The following NR5A1 variants were observed in gnomAD, a reference collection of about 807,000 sequenced individuals.
The protein encoded by NR5A1 is nuclear receptor subfamily 5 group A member 1, also known as steroidogenic factor 1.
In NR5A1, 6 loss-of-function variants were observed where a neutral mutation model predicts 42.7. The ratio of observed to expected loss-of-function variants is 0.14; its 90% CI spans 0.08 to 0.28. The LOEUF (loss-of-function observed/expected upper bound fraction) is 0.28. Ranked by LOEUF, NR5A1 falls within the 10% of genes least tolerant of loss-of-function variation. The probability of loss-of-function intolerance (pLI) is 1.00; values close to 1 mark genes in which losing one functional copy is unlikely to be tolerated. For synonymous variants in NR5A1, 274 were observed against 277.5 expected, an observed-to-expected ratio of 0.99 and a Z score of 0.12; for missense variants, 442 against 626.4, an observed-to-expected ratio of 0.71 and a Z score of 3.14.
Position 124,501,926 on chromosome 9 carries a change from C to G in NR5A1, c.244+1153G>C, listed in dbSNP as rs1297047760. On this transcript the variant is annotated intron_variant, in intron 3 of 6. Coordinates refer to ENST00000373588, the MANE Select transcript of NR5A1 (RefSeq NM_004959.5). The surrounding 1 kb of genome is among the most constrained non-coding windows in gnomAD (Gnocchi z 4.1). ...CTTTCCTGCCAAAACTTACCTCCTC[C>G]TCTCTGGGCTGAGAGCTGGGGTTGA... 6.6e-6 allele frequency among the ~76,000 whole-genome samples: 1 copy of G among 152,190 alleles called. No homozygotes were observed. The highest frequency in any genetic ancestry group is 2.4e-5 in the African/African-American group (1 of 41,438).
intron 4 of NR5A1, among the ~76,000 whole-genome samples, chr9:124,493,740 G>A (rs943078981): frequency 3.9e-5 from 6 of 152,366 alleles, no homozygotes; most frequent in African/African-American, 1.4e-4. Flanking sequence ...CCCAGGGCAT[G>A]AGCAGGGGGG....
chr9:124,487,189 G>GC (rs1386570917), intron 6 of NR5A1, among the ~76,000 whole-genome samples: 1 of 152,242 alleles, frequency 6.6e-6, no homozygotes, highest in African/African-American at 2.4e-5. Context: ...TCTCAGAAAA[G>GC]CCCCCTTTTC....
chr9:124,497,564 C>T (rs1381214768), intron 4 of NR5A1, among the ~76,000 whole-genome samples: 1 of 152,164 alleles, frequency 6.6e-6, no homozygotes, highest in Non-Finnish European at 1.5e-5. Context: ...GGACTCCTCC[C>T]GAGCAGCAAG....
rs902682491 is a variant in NR5A1 at position 124,498,611 on chromosome 9, C to G, written c.870+1479G>C. 1.3e-5 allele frequency among the ~76,000 whole-genome samples: 2 copies of G among 152,238 alleles called. No homozygotes were observed. The highest frequency in any genetic ancestry group is 4.8e-5 in the African/African-American group (2 of 41,466). On this transcript the variant is annotated intron_variant, in intron 4 of 6. Transcript: ENST00000373588. The surrounding 1 kb of genome is among the most constrained non-coding windows in gnomAD (Gnocchi z 4.6). ...GTCTGGAGGGAAGCTAGCAACCAAC[C>G]CAAGATGCTTGGGGTCCTCATCCCC...
At chr9:124,504,063 G>GAGAGAGAGAC (rs1348637215) in intron 1 of NR5A1, among the ~76,000 whole-genome samples, 5 of 150,328 alleles carry the variant, frequency 3.3e-5, no homozygotes, top group African/African-American at 1.2e-4. Flanking sequence ...GAGAGAGAGA[G>GAGAGAGAGAC]AGAGAGAGAG....
intron 6 of NR5A1, among the ~76,000 whole-genome samples, chr9:124,485,459 G>T (rs1832193387): frequency 6.6e-6 from 1 of 152,164 alleles, no homozygotes; most frequent in Non-Finnish European, 1.5e-5. Context: ...GGCCTGTGTT[G>T]TCCAAAGTCG....
chr9:124,482,771 G>A lies in NR5A1; in HGVS notation c.1373C>T (p.Ala458Val), dbSNP rs867106298. The change falls in exon 7 of 7, where the codon GCC becomes GTC. Residue 458 changes from alanine (A) to valine (V), a missense_variant. Ala to Val is a moderately conservative substitution (Grantham distance 64, BLOSUM62 0). Coordinates refer to ENST00000373588, the MANE Select transcript of NR5A1 (RefSeq NM_004959.5). ...CCCGGCCCAGGCTCAAGTCTGCTTG[G>A]CTTGCAGCATTTCGATGAGCAGGTT... ...RNNLLIEMLQ[A>V]KQT The A allele has an allele frequency of 3.2e-6, 5 of 1,569,610 alleles. No homozygotes were observed. Among genetic ancestry groups the A allele is most frequent in the Non-Finnish European group, 2.6e-6 (3 of 1,159,338 alleles).
chr9:124,494,804 C>T (rs1832364660), intron 4 of NR5A1, among the ~76,000 whole-genome samples: 2 of 152,180 alleles, frequency 1.3e-5, no homozygotes, highest in South Asian at 4.1e-4. Context: ...CCACTCCCCA[C>T]CTGGGGCCAG....
chr9:124,500,611 C>T lies in NR5A1; in HGVS notation c.349G>A (p.Gly117Ser). ...GGGGGCCCTGTCTCCAGCTTGAAGC[C>T]ATTGGCCCGAATCTGTGCCTTCTTC... Reference protein sequence around the residue: ...QQKKAQIRANGFKLETGPPMG... With the variant: ...QQKKAQIRANSFKLETGPPMG... The change falls in exon 4 of 7, where the codon GGC becomes AGC. Residue 117 changes from glycine (G) to serine (S), a missense_variant. Physicochemically the swap from Gly to Ser is moderately conservative, Grantham distance 56. Transcript: ENST00000373588. The surrounding 1 kb of genome is among the most constrained non-coding windows in gnomAD (Gnocchi z 6.9). 1.2e-6 allele frequency: 2 copies of T among 1,613,148 alleles called. No homozygotes were observed. Among genetic ancestry groups the T allele is most frequent in the Non-Finnish European group, 1.7e-6 (2 of 1,180,018 alleles).
chr9:124,504,928 C>A (rs1396187781), intron 1 of NR5A1, among the ~76,000 whole-genome samples: 4 of 144,166 alleles, frequency 2.8e-5, no homozygotes, highest in African/African-American at 9.9e-5. Flanking sequence ...CCGCCGGGGC[C>A]GCTCCGAGGC....
intron 3 of NR5A1, among the ~76,000 whole-genome samples, chr9:124,502,614 C>G (rs919262434): frequency 7.2e-5 from 11 of 152,330 alleles, no homozygotes; most frequent in Admixed American, 1.3e-4. Flanking sequence ...AGGCATGAGC[C>G]GCTCCATCCG....
Position 124,503,547 on chromosome 9 carries a change from C to G in NR5A1, c.-15-137G>C. The G allele has an allele frequency of 1.6e-6, 1 of 628,804 alleles. No homozygotes were observed. The highest frequency in any genetic ancestry group is 2.5e-6 in the Non-Finnish European group (1 of 400,378). The allele number at this position is 628,804 out of a possible 1,614,324, so 39.0% of individuals were successfully genotyped here. A position where few individuals can be genotyped will look rare whatever the true frequency, so the allele number is the denominator to read the frequency against. On this transcript the variant is annotated intron_variant, in intron 1 of 6. Coordinates refer to ENST00000373588, the MANE Select transcript of NR5A1 (RefSeq NM_004959.5). The surrounding 1 kb of genome is among the most constrained non-coding windows in gnomAD (Gnocchi z 9.6). ...CCCAGGCGCTGCCGCCGGCACCCAC[C>G]GAGCGCCCCGCGCAGCGTCCCGGGG...
rs149249906 is a variant in NR5A1, at chr9:124,484,085, G to A, written c.1139-1080C>T. On this transcript the variant is annotated intron_variant, in intron 6 of 6. Transcript: ENST00000373588. ...CAGTTGGCAAAATCACCTGACGCAA[G>A]CCTATTTTACAATAAAGCGTTGAAC... Among the ~76,000 whole-genome samples, 168 of 152,274 alleles carry A rather than the reference G, an allele frequency of 1.1e-3. 3 individuals carry two copies. Among genetic ancestry groups the A allele is most frequent in the Middle Eastern group, 6.8e-3 (2 of 292 alleles).
chr9:124,491,276 C>G (rs113928841), intron 5 of NR5A1, 48 bp from the exon 6 acceptor site: 10 of 1,490,824 alleles, frequency 6.7e-6, no homozygotes, highest in South Asian at 6.2e-5. Flanking sequence ...GACGTGGGTC[C>G]GGGCAGGTGG....
At chr9:124,487,631 C>T (rs1323749751) in intron 6 of NR5A1, among the ~76,000 whole-genome samples, 2 of 152,210 alleles carry the variant, frequency 1.3e-5, no homozygotes, top group East Asian at 3.9e-4. Flanking sequence ...AGCCGCAGGG[C>T]GGTGGGGCAG....
rs1046394708 is a variant in NR5A1, at chr9:124,500,278, G to A, written c.682C>T (p.Leu228=). 1 of 1,579,520 alleles carries A rather than the reference G, an allele frequency of 6.3e-7. No individual in the cohort carries two copies. Among genetic ancestry groups the A allele is most frequent in the African/African-American group, 1.3e-5 (1 of 74,080 alleles). ...TCCGGCTCCAGCTGCAGCAGCTGCA[G>A]GATGAGCTCAGGCACGTTGGGCCCT... ...SGGPNVPELI[L]QLLQLEPDED... The change falls in exon 4 of 7, where the codon CTG becomes TTG. Residue 228 remains leucine, a synonymous_variant. Coordinates refer to ENST00000373588, the MANE Select transcript of NR5A1 (RefSeq NM_004959.5). This position sits in a 1 kb window ranked among gnomAD's most constrained non-coding sequence, Gnocchi z 6.9.
Position 124,482,957 on chromosome 9 carries a change from T to G in NR5A1, c.1187A>C (p.Lys396Thr), listed in dbSNP as rs745706339. The change falls in exon 7 of 7, where the codon AAG becomes ACG. Residue 396 changes from lysine to threonine, a missense_variant. Physicochemically the swap from Lys to Thr is moderately conservative, Grantham distance 78. This residue lies in a region of NR5A1 where 163 missense variants were observed against 265.8 expected (regional missense o/e 0.61). Transcript: ENST00000373588. ...NHILVKDAQE[K>T]ANAALLDYTL... The stretch of plus-strand genomic sequence containing the variant: ...GTAGTCAAGCAGGGCGGCGTTGGCC[T>G]TCTCCTGAGCGTCTTTCACCAGGAT... The G allele has an allele frequency of 6.2e-7, 1 of 1,614,152 alleles. No individual in the cohort carries two copies. The highest frequency in any genetic ancestry group is 8.5e-7 in the Non-Finnish European group (1 of 1,180,020).
Position 124,501,435 on chromosome 9 carries a change from G to T in NR5A1, c.245-720C>A, listed in dbSNP as rs2131288099. Among the ~76,000 whole-genome samples, 1 of 152,344 alleles carries T rather than the reference G, an allele frequency of 6.6e-6. No homozygotes were observed. The highest frequency in any genetic ancestry group is 2.1e-4 in the South Asian group (1 of 4,832). ...TTGCCGACTAGAAGCTCCTCCGCCT[G>T]GCGAGGAATGTGTCATCAGCCAGAC... On this transcript the variant is annotated intron_variant, in intron 3 of 6. Coordinates refer to ENST00000373588, the MANE Select transcript of NR5A1 (RefSeq NM_004959.5). The surrounding 1 kb of genome is among the most constrained non-coding windows in gnomAD (Gnocchi z 4.1).
At chr9:124,490,669 G>A (rs1230279844) in intron 6 of NR5A1, among the ~76,000 whole-genome samples, 1 of 152,090 alleles carries the variant, frequency 6.6e-6, no homozygotes, top group Middle Eastern at 3.2e-3. Flanking sequence ...GCTCACAGCG[G>A]TATTCCCAGT....
Sources: allele counts gnomAD v4.1 joint callset (sites outside exome capture counted in the v4.1 genomes callset), GRCh38; gene constraint gnomAD v4.1.1; regional missense constraint gnomAD v4.1.1; non-coding constraint Gnocchi (gnomAD v3.1); transcripts MANE v1.5; gene names NCBI Gene and HGNC (gene_info 2026-07-23, HGNC 2026-07-21).